TRHDE: variants seen among roughly 807,000 people sequenced by gnomAD.
TRHDE encodes thyrotropin releasing hormone degrading enzyme, also known as thyrotropin-releasing hormone-degrading ectoenzyme.
A neutral mutation model predicts 125.7 loss-of-function variants in TRHDE; 72 were observed. The ratio of observed to expected loss-of-function variants is 0.57; its 90% confidence interval spans 0.47 to 0.70. The LOEUF (loss-of-function observed/expected upper bound fraction) is 0.70, where lower values mean the gene tolerates loss of function less well. Ranked by LOEUF, TRHDE falls within the 30% of genes least tolerant of loss-of-function variation. The pLI is 0.00. For missense variants in TRHDE, 1,110 were observed against 1,327.1 expected (o/e 0.84, Z 2.54); for synonymous variants, 509 against 509.1 (o/e 1.00, Z 0.00).
At chr12:72,297,745 G>A (rs1298488076) in intron 2 of TRHDE, among the ~76,000 whole-genome samples, 4 of 152,208 alleles carry the variant, frequency 2.6e-5, no homozygotes, top group Non-Finnish European at 4.4e-5. Flanking sequence ...TGCCTCTGAG[G>A]GTGGATGAGA....
intron 2 of TRHDE, among the ~76,000 whole-genome samples, chr12:72,210,199 T>TATCTATCTATCTATCTATC (rs35245091): frequency 0.022 from 3,302 of 151,958 alleles, 49 homozygotes; most frequent in African/African-American, 0.036. Flanking sequence ...TCTATCTATC[T>TATCTATCTATCTATCTATC]ATCTATCTAC....
intron 2 of TRHDE, among the ~76,000 whole-genome samples, chr12:72,174,196 A>C (rs1390586987): frequency 6.6e-6 from 1 of 152,186 alleles, no homozygotes. Context: ...ACATTTAGCC[A>C]TCCTCTTTGT....
intron 3 of TRHDE, among the ~76,000 whole-genome samples, chr12:72,404,841 G>A (rs558574492): frequency 3.6e-4 from 55 of 152,216 alleles, no homozygotes; most frequent in African/African-American, 1.3e-3. Context: ...TGCTACTTCT[G>A]AGATATGTAA....
At chr12:72,421,895 T>C (rs1276378927) in intron 3 of TRHDE, among the ~76,000 whole-genome samples, 3 of 152,170 alleles carry the variant, frequency 2.0e-5, no homozygotes, top group African/African-American at 7.2e-5. Context: ...GCTGTAATGG[T>C]TATATACTCA....
intron 2 of TRHDE, among the ~76,000 whole-genome samples, chr12:72,143,959 T>G (rs2139316212): frequency 6.6e-6 from 1 of 152,238 alleles, no homozygotes; most frequent in Admixed American, 6.5e-5. Flanking sequence ...GATGATGAAT[T>G]TATCAAAACT....
chr12:72,333,857 GT>G (rs1489690754), intron 2 of TRHDE, among the ~76,000 whole-genome samples: 1 of 152,158 alleles, frequency 6.6e-6, no homozygotes, highest in Non-Finnish European at 1.5e-5. Context: ...AAGAAACATA[GT>G]TTTTTAAAAA....
At chr12:72,109,702 A>C (rs1292701616) in intron 2 of TRHDE, among the ~76,000 whole-genome samples, 1 of 152,132 alleles carries the variant, frequency 6.6e-6, no homozygotes, top group Non-Finnish European at 1.5e-5. Flanking sequence ...ATTTTCCCCC[A>C]AAATCACTAG....
intron 6 of TRHDE, among the ~76,000 whole-genome samples, chr12:72,521,165 A>T (rs1191210685): frequency 1.3e-5 from 2 of 152,190 alleles, no homozygotes; most frequent in Non-Finnish European, 2.9e-5. Context: ...CTTTCATCTG[A>T]CCATTTATTT....
Position 72,473,922 on chromosome 12 carries a change from A to G in TRHDE, c.1584+742A>G, listed in dbSNP as rs139569145. ...AATTTATTTTAAGTGGTACTATTAA[A>G]TTAAGTAAAAATTGCAATGTACCAA... On this transcript the variant is annotated intron_variant, in intron 5 of 18. Coordinates refer to ENST00000261180, the MANE Select transcript of TRHDE (RefSeq NM_013381.3). 2.8e-3 allele frequency among the ~76,000 whole-genome samples: 430 copies of G among 152,204 alleles called. 3 individuals carry two copies. The highest frequency in any genetic ancestry group is 0.01 in the Middle Eastern group (3 of 294).
chr12:72,119,727 A>C (rs1051025109), intron 2 of TRHDE, among the ~76,000 whole-genome samples: 1 of 152,186 alleles, frequency 6.6e-6, no homozygotes, highest in Non-Finnish European at 1.5e-5. Context: ...TGTTGGGTAC[A>C]TATATATTTA....
At chr12:72,315,323 C>A (rs1046161161) in intron 2 of TRHDE, among the ~76,000 whole-genome samples, 3 of 151,952 alleles carry the variant, frequency 2.0e-5, no homozygotes, top group South Asian at 2.1e-4. Context: ...AAGAAAAAAA[C>A]CAAACCGATA....
At chr12:72,437,073 T>G (rs1874780275) in intron 3 of TRHDE, among the ~76,000 whole-genome samples, 1 of 151,862 alleles carries the variant, frequency 6.6e-6, no homozygotes, top group African/African-American at 2.4e-5. Flanking sequence ...GAGCACAATT[T>G]TTGCTTACAC....
chr12:72,516,124 C>T (rs1356401586), intron 6 of TRHDE, among the ~76,000 whole-genome samples: 32 of 151,438 alleles, frequency 2.1e-4, no homozygotes, highest in Non-Finnish European at 2.9e-4. Context: ...CTTGGCGATG[C>T]GGGCTCTTTT....
chr12:72,289,212 C>T, intron 2 of TRHDE, among the ~76,000 whole-genome samples: 1 of 152,076 alleles, frequency 6.6e-6, no homozygotes, highest in South Asian at 2.1e-4. Flanking sequence ...GAAGCTGAAG[C>T]AATTTTCTTT....
chr12:72,231,607 C>A (rs1427696290), intron 2 of TRHDE, among the ~76,000 whole-genome samples: 1 of 152,154 alleles, frequency 6.6e-6, no homozygotes, highest in Non-Finnish European at 1.5e-5. Flanking sequence ...AAACCAGCTT[C>A]TATGGTCTGT....
Position 72,272,656 on chromosome 12 carries a change from G to A in TRHDE, c.13G>A (p.Gly5Ser). Reference sequence around the variant, plus strand: ...AGGAGGCGGTGTGATGGCCCTGGACGGCGAGCTGGGGGAGCAAGAGGAGGA... The same window carrying A: ...AGGAGGCGGTGTGATGGCCCTGGACAGCGAGCTGGGGGAGCAAGAGGAGGA... MALD[G>S]ELGEQEEEKK... Residue 5 changes from glycine to serine, a missense_variant, in exon 1 of 19, where the codon GGC (glycine) becomes AGC (serine). Gly to Ser is a moderately conservative substitution (Grantham distance 56, BLOSUM62 0). Around this residue, in one of 5 missense-constraint regions of TRHDE, gnomAD observed 248 missense variants for 240.8 expected, o/e 1.03. Coordinates refer to ENST00000261180, the MANE Select transcript of TRHDE (RefSeq NM_013381.3). The surrounding 1 kb of genome is among the most constrained non-coding windows in gnomAD (Gnocchi z 6.7). 3 of 1,207,528 alleles carry A rather than the reference G, an allele frequency of 2.5e-6. No homozygotes were observed. The highest frequency in any genetic ancestry group is 1.6e-5 in the South Asian group (1 of 60,936). The allele number at this position is 1,207,528 out of a possible 1,614,324, so 74.8% of individuals were successfully genotyped here. A position where few individuals can be genotyped will look rare whatever the true frequency, so the allele number is the denominator to read the frequency against.
chr12:72,617,244 C>T (rs1425908799), intron 12 of TRHDE, among the ~76,000 whole-genome samples: 2 of 151,994 alleles, frequency 1.3e-5, no homozygotes, highest in Non-Finnish European at 2.9e-5. Flanking sequence ...GAAATATGAA[C>T]CTGTGGTTGA....
chr12:72,443,055 G>A (rs1875094849), intron 3 of TRHDE, among the ~76,000 whole-genome samples: 1 of 151,752 alleles, frequency 6.6e-6, no homozygotes, highest in African/African-American at 2.4e-5. Context: ...CAGGTTCTTA[G>A]CATGACATGT....
At chr12:72,224,190 C>G (rs202037051) in intron 2 of TRHDE, among the ~76,000 whole-genome samples, 23 of 146,882 alleles carry the variant, frequency 1.6e-4, no homozygotes, top group African/African-American at 2.0e-4. Flanking sequence ...ATCTATCTAT[C>G]TATCTATCTA....
Sources: allele counts gnomAD v4.1 joint callset (sites outside exome capture counted in the v4.1 genomes callset), GRCh38; gene constraint gnomAD v4.1.1; regional missense constraint gnomAD v4.1.1; non-coding constraint Gnocchi (gnomAD v3.1); transcripts MANE v1.5; gene names NCBI Gene and HGNC (gene_info 2026-07-23, HGNC 2026-07-21).